Variants in ANKAR observed in about 807,000 individuals in gnomAD.
ANKAR encodes ankyrin and armadillo repeat-containing protein.
In ANKAR, 136 loss-of-function variants were observed where a neutral mutation model predicts 146.2. The observed-to-expected ratio is 0.93, with a 90% CI of 0.81 to 1.07. The LOEUF (loss-of-function observed/expected upper bound fraction) is 1.07. Among genes scored for constraint, ANKAR ranks in the 50% least tolerant of loss-of-function variants. ANKAR has a pLI of 0.00. For missense variants in ANKAR, 1,567 were observed against 1,679.9 expected (o/e 0.93, Z 1.18); for synonymous variants, 500 against 575.8 (o/e 0.87, Z 1.88).
Position 189,676,583 on chromosome 2 carries a change from A to T in ANKAR, c.93A>T (p.Ala31=). The stretch of plus-strand genomic sequence containing the variant: ...AAAATTTAGCAATACAAAGAAATGC[A>T]TCTGCTTTTTTTGAAAAATATGATC... ...YLENLAIQRN[A]SAFFEKYDRS... The change falls in exon 2 of 23, where the codon GCA becomes GCT. Residue 31 remains alanine (A), a synonymous_variant. Coordinates refer to ENST00000684021, the MANE Select transcript of ANKAR (RefSeq NM_001378068.1). The T allele has an allele frequency of 6.2e-7, 1 of 1,612,476 alleles. No homozygotes were observed. Among genetic ancestry groups the T allele is most frequent in the Non-Finnish European group, 8.5e-7 (1 of 1,179,848 alleles).
intron 2 of ANKAR, among the ~76,000 whole-genome samples, chr2:189,686,402 A>G (rs1255287472): frequency 3.3e-5 from 5 of 152,196 alleles, no homozygotes; most frequent in African/African-American, 9.7e-5. Flanking sequence ...ATTTGACAAG[A>G]AGAAAGTCCT....
rs1380917601 is a variant in ANKAR at position 189,733,203 on chromosome 2, C to G, written c.3397C>G (p.Leu1133Val). 1 of 1,607,282 alleles carries G rather than the reference C, an allele frequency of 6.2e-7. No homozygotes were observed. Among genetic ancestry groups the G allele is most frequent in the East Asian group, 2.2e-5 (1 of 44,646 alleles). The change falls in exon 17 of 23, where the codon CTT (leucine) becomes GTT (valine). Residue 1133 changes from leucine (L) to valine (V), a missense_variant. Leu to Val is a conservative substitution (Grantham distance 32). Transcript: ENST00000684021. ...TGAAGGATTTGAATATGCTGATGTC[C>G]TTTATCTTCTTCACTCAACAGAAAA... Reference protein sequence around the residue: ...ENEGFEYADVLYLLHSTEKDI... With the variant: ...ENEGFEYADVVYLLHSTEKDI...
chr2:189,695,230 CAG>C, intron 6 of ANKAR, 69 bp downstream of exon 6: 1 of 1,282,506 alleles, frequency 7.8e-7, no homozygotes, highest in East Asian at 2.4e-5. Context: ...GTGTCTCAAA[CAG>C]ATGTTTATCC....
intron 17 of ANKAR, 75 bp downstream of exon 17, chr2:189,733,304 C>T: frequency 1.6e-6 from 2 of 1,254,316 alleles, no homozygotes; most frequent in Non-Finnish European, 2.2e-6. Context: ...ATTATCAAGT[C>T]TTCTTCATGG....
At chr2:189,722,905 T>G (rs1035786746) in intron 12 of ANKAR, among the ~76,000 whole-genome samples, 2 of 151,094 alleles carry the variant, frequency 1.3e-5, no homozygotes, top group Non-Finnish European at 3.0e-5. Flanking sequence ...AAAAGAAAAC[T>G]ATAGTATGAA....
chr2:189,692,832 A>G (rs1286596697), intron 4 of ANKAR: 4 of 276,148 alleles, frequency 1.4e-5, no homozygotes, highest in South Asian at 9.5e-5. Flanking sequence ...GGAATTTAGT[A>G]TAAAAATTCT....
rs963398617 is a variant in ANKAR at position 189,719,760 on chromosome 2, G to A, written c.2413G>A (p.Val805Ile). 2 of 1,612,724 alleles carry A rather than the reference G, an allele frequency of 1.2e-6. No individual in the cohort carries two copies. The highest frequency in any genetic ancestry group is 1.7e-6 in the Non-Finnish European group (2 of 1,179,072). Residue 805 changes from valine to isoleucine, a missense_variant, in exon 11 of 23, where the codon GTC becomes ATC. Transcript: ENST00000684021. Reference protein sequence around the residue: ...DEPEVHSRCAVILYDIAQCEN... With the variant: ...DEPEVHSRCAIILYDIAQCEN... ...GCCTGAAGTACACTCTCGCTGTGCT[G>A]TCATTCTATATGATATTGCTCAATG...
chr2:189,705,308 T>G, intron 8 of ANKAR, 84 bp downstream of exon 8: 5 of 1,377,346 alleles, frequency 3.6e-6, no homozygotes, highest in Non-Finnish European at 5.0e-6. Context: ...TTAAATAGAA[T>G]ATAAATTTCT....
At chr2:189,676,281 T>C (rs2033661158) in intron 1 of ANKAR, 175 bp from the exon 2 acceptor site, 1 of 505,988 alleles carries the variant, frequency 2.0e-6, no homozygotes, top group African/African-American at 1.9e-5. Flanking sequence ...TTAATTATTT[T>C]AATTCAAATT....
chr2:189,744,772 TC>T lies in ANKAR; in HGVS notation c.4043del (p.Pro1348LeufsTer13). 3 of 1,593,678 alleles carry T rather than the reference TC, an allele frequency of 1.9e-6. No individual in the cohort carries two copies. The highest frequency in any genetic ancestry group is 2.6e-6 in the Non-Finnish European group (3 of 1,163,390). On this transcript the variant is annotated frameshift_variant, in exon 22 of 23. Coordinates refer to ENST00000684021, the MANE Select transcript of ANKAR (RefSeq NM_001378068.1). LOFTEE classifies it high-confidence loss of function. Reference protein sequence around the residue: ...LEKNGGPSIIPIFKRGKEHRR... With the variant: ...LEKNGGPSIIXIFKRGKEHRR... ...AGAAGAATGGAGGACCATCCATAATTCCTATCTTTAAAAGAGGTAATTGATT... is the reference window on the plus strand; with the variant it reads ...AGAAGAATGGAGGACCATCCATAATTCTATCTTTAAAAGAGGTAATTGATT...
chr2:189,761,015 T>A (rs1017518496), intron 18 of ANKAR: 1 of 122,382 alleles, frequency 8.2e-6, no homozygotes, highest in Admixed American at 8.3e-5. Context: ...TATGCTTTAA[T>A]ACAACAGTGT....
chr2:189,755,000 A>T (rs2045886871), intron 18 of ANKAR: 3 of 705,288 alleles, frequency 4.3e-6, no homozygotes, highest in Non-Finnish European at 6.7e-6. Context: ...AAGGCTAAGA[A>T]TTATAAAATT....
At chr2:189,746,048 C>A (rs147579347) in intron 22 of ANKAR, among the ~76,000 whole-genome samples, 1,711 of 152,284 alleles carry the variant, frequency 0.011, 17 homozygotes, top group Non-Finnish European at 0.019. Flanking sequence ...TAGCACGTTT[C>A]TGATAAAATT....
At chr2:189,691,333 G>A (rs2036363365) in intron 3 of ANKAR, among the ~76,000 whole-genome samples, 1 of 152,182 alleles carries the variant, frequency 6.6e-6, no homozygotes, top group Admixed American at 6.5e-5. Flanking sequence ...TGGGATTACA[G>A]GCATGAGCCG....
chr2:189,729,458 C>A (rs549992472), intron 15 of ANKAR, among the ~76,000 whole-genome samples: 1 of 152,282 alleles, frequency 6.6e-6, no homozygotes, highest in South Asian at 2.1e-4. Flanking sequence ...TTGATTCTCA[C>A]ATTTTTTTCT....
chr2:189,738,664 T>C lies in ANKAR; in HGVS notation c.3682T>C (p.Ser1228Pro). ...LVDSLYSVQT[S>P]TIVLTGNLIA... ...TGATAGTCTGTATTCAGTTCAGACT[T>C]CTACTATTGTCTTGACAGGTAAGAA... The change falls in exon 19 of 23, where the codon TCT (serine) becomes CCT (proline). Residue 1228 changes from serine to proline, a missense_variant. Coordinates refer to ENST00000684021, the MANE Select transcript of ANKAR (RefSeq NM_001378068.1). The C allele has an allele frequency of 6.3e-7, 1 of 1,596,120 alleles. No individual in the cohort carries two copies.
intron 12 of ANKAR, among the ~76,000 whole-genome samples, chr2:189,723,434 T>TA (rs765081361): frequency 3.3e-5 from 5 of 152,202 alleles, no homozygotes; most frequent in Non-Finnish European, 5.9e-5. Context: ...CAAAAGTTTA[T>TA]ATGACACCAC....
intron 10 of ANKAR, among the ~76,000 whole-genome samples, chr2:189,719,117 TA>T (rs1199121099): frequency 1.3e-5 from 2 of 152,246 alleles, no homozygotes; most frequent in African/African-American, 4.8e-5. Flanking sequence ...TGCATTTTAC[TA>T]GATTCAGCAC....
intron 10 of ANKAR, among the ~76,000 whole-genome samples, chr2:189,718,339 TA>T (rs1278610018): frequency 0.24 from 92 of 378 alleles, 1 homozygote; most frequent in Admixed American, 0.28. Flanking sequence ...TCTGTCTGTC[TA>T]GCTATCTATC....
Sources: allele counts gnomAD v4.1 joint callset (sites outside exome capture counted in the v4.1 genomes callset), GRCh38; gene constraint gnomAD v4.1.1; transcripts MANE v1.5; gene names NCBI Gene and HGNC (gene_info 2026-07-23, HGNC 2026-07-21).